Variants in HMCN1 observed in about 807,000 individuals in gnomAD.
The protein encoded by HMCN1 is hemicentin 1.
Under a neutral mutation model 625.9 loss-of-function variants are expected in HMCN1, and 321 were observed. The ratio of observed to expected loss-of-function variants is 0.51; its 90% CI spans 0.47 to 0.56. HMCN1 has a LOEUF of 0.56. HMCN1 is among the 20% of genes least tolerant of loss of function. HMCN1 has a pLI of 0.00. For synonymous variants in HMCN1, 2,425 were observed against 2,417.6 expected (o/e 1.00, Z -0.09); for missense variants, 6,588 against 6,887.3 (o/e 0.96, Z 1.54).
intron 75 of HMCN1, among the ~76,000 whole-genome samples, chr1:186,116,421 A>AATATATATAT (rs3057359): frequency 5.5e-4 from 82 of 149,072 alleles, no homozygotes; most frequent in African/African-American, 1.9e-3. Flanking sequence ...TTCAAAACTA[A>AATATATATAT]ATATATATAT....
intron 35 of HMCN1, among the ~76,000 whole-genome samples, chr1:186,020,480 A>G (rs1450810335): frequency 6.6e-6 from 1 of 152,054 alleles, no homozygotes; most frequent in Non-Finnish European, 1.5e-5. Flanking sequence ...ATAATCTCAC[A>G]TCTTTGTGCA....
At chr1:185,780,219 G>T (rs1159461096) in intron 1 of HMCN1, among the ~76,000 whole-genome samples, 1 of 152,224 alleles carries the variant, frequency 6.6e-6, no homozygotes, top group Non-Finnish European at 1.5e-5. Context: ...CTTTGCTGAA[G>T]TTGCTTATCA....
intron 45 of HMCN1, among the ~76,000 whole-genome samples, chr1:186,056,266 G>A (rs1657312920): frequency 6.6e-6 from 1 of 151,984 alleles, no homozygotes; most frequent in African/African-American, 2.4e-5. Flanking sequence ...GAAGCTCAGT[G>A]TTAATATCTT....
intron 1 of HMCN1, among the ~76,000 whole-genome samples, chr1:185,759,680 A>T (rs1296231361): frequency 6.6e-6 from 1 of 152,114 alleles, no homozygotes; most frequent in African/African-American, 2.4e-5. Context: ...CCTTTATCTT[A>T]CTACCTGGCA....
intron 52 of HMCN1, among the ~76,000 whole-genome samples, chr1:186,073,078 A>G (rs1258245969): frequency 6.6e-6 from 1 of 152,172 alleles, no homozygotes; most frequent in Non-Finnish European, 1.5e-5. Flanking sequence ...AGGAGATCAA[A>G]TATAGGTTCA....
At chr1:186,163,242 T>G (rs58164914) in intron 97 of HMCN1, among the ~76,000 whole-genome samples, 1,857 of 152,326 alleles carry the variant, frequency 0.012, 29 homozygotes, top group African/African-American at 0.043. Flanking sequence ...TGGTGCGCCA[T>G]TTTTTAAGCC....
chr1:185,774,863 G>C (rs1656489799), intron 1 of HMCN1, among the ~76,000 whole-genome samples: 1 of 152,084 alleles, frequency 6.6e-6, no homozygotes. Context: ...ATAATGGTTA[G>C]AATAAATCAT....
chr1:186,053,106 A>G, intron 43 of HMCN1, 32 bp downstream of exon 43: 1 of 1,570,250 alleles, frequency 6.4e-7, no homozygotes. Flanking sequence ...TTATAAAATT[A>G]AAGAAAATAT....
Position 185,876,042 on chromosome 1 carries a change from T to C in HMCN1, c.621+10179T>C, listed in dbSNP as rs115545519. On this transcript the variant is annotated intron_variant, in intron 4 of 106. Transcript: ENST00000271588. ...GAATAGTGAACATATACCCAGTAGG[T>C]AATTTTTCAACCCTCGCCACCACCC... 9.7e-3 allele frequency among the ~76,000 whole-genome samples: 1,478 copies of C among 152,102 alleles called. 13 individuals carry two copies. Among genetic ancestry groups the C allele is most frequent in the Middle Eastern group, 0.02 (6 of 294 alleles).
intron 57 of HMCN1, among the ~76,000 whole-genome samples, chr1:186,083,816 A>C (rs1033115938): frequency 3.9e-5 from 6 of 152,126 alleles, no homozygotes; most frequent in African/African-American, 1.4e-4. Flanking sequence ...AAACACTTTT[A>C]TCTTTTTAAT....
At chr1:185,955,445 G>A (rs1209653258) in intron 11 of HMCN1, among the ~76,000 whole-genome samples, 1 of 152,100 alleles carries the variant, frequency 6.6e-6, no homozygotes, top group Non-Finnish European at 1.5e-5. Flanking sequence ...GAATAAGGTA[G>A]CCATACATCT....
chr1:186,026,344 A>C (rs1655053839), intron 36 of HMCN1, among the ~76,000 whole-genome samples: 1 of 152,200 alleles, frequency 6.6e-6, no homozygotes, highest in Non-Finnish European at 1.5e-5. Flanking sequence ...GAGTATTTGA[A>C]TTTGGATTTG....
chr1:185,768,722 G>T (rs1192283068), intron 1 of HMCN1, among the ~76,000 whole-genome samples: 1 of 152,164 alleles, frequency 6.6e-6, no homozygotes, highest in Admixed American at 6.5e-5. Context: ...AAGGTGGGAG[G>T]ATCACTTGAA....
Position 185,923,642 on chromosome 1 carries a change from G to A in HMCN1, c.1274G>A (p.Ser425Asn), listed in dbSNP as rs1172785092. ...AGAGTATCAAGTGTTTCCTTTTCTA[G>A]TATTGTCCCAGGTGAGACATCATTT... ...FQRVSSVSFSSIVPDAPKVTM... is the reference protein window; with the variant it reads ...FQRVSSVSFSNIVPDAPKVTM... Residue 425 changes from serine (S) to asparagine (N), a missense_variant, in exon 8 of 107, where the codon AGT (serine) becomes AAT (asparagine). Around this residue, in one of 3 missense-constraint regions of HMCN1, gnomAD observed 4,628 missense variants for 4,853.1 expected, o/e 0.95. Transcript: ENST00000271588. 2 of 1,603,190 alleles carry A rather than the reference G, an allele frequency of 1.2e-6. No individual in the cohort carries two copies. The highest frequency in any genetic ancestry group is 2.2e-5 in the East Asian group (1 of 44,736).
intron 1 of HMCN1, among the ~76,000 whole-genome samples, chr1:185,751,502 CT>C (rs1486149224): frequency 6.6e-6 from 1 of 151,964 alleles, no homozygotes; most frequent in East Asian, 1.9e-4. Flanking sequence ...TTTGTCTTTC[CT>C]GCCTGGAACC....
intron 1 of HMCN1, among the ~76,000 whole-genome samples, chr1:185,739,145 T>A (rs1653800068): frequency 6.6e-6 from 1 of 152,230 alleles, no homozygotes; most frequent in African/African-American, 2.4e-5. Flanking sequence ...TGCATTAATA[T>A]GCTTAGGATA....
chr1:186,119,314 T>C lies in HMCN1; in HGVS notation c.11956+16T>C. 2 of 1,595,702 alleles carry C rather than the reference T, an allele frequency of 1.3e-6. No individual in the cohort carries two copies. The highest frequency in any genetic ancestry group is 1.7e-6 in the Non-Finnish European group (2 of 1,163,206). Reference sequence around the variant, plus strand: ...CATGTTCATGGTATGGAAGGCTATTTACTCATTCAAAGTTCGCTGGGTTTG... The same window carrying C: ...CATGTTCATGGTATGGAAGGCTATTCACTCATTCAAAGTTCGCTGGGTTTG... On this transcript the variant is annotated intron_variant, in intron 78 of 106. Transcript: ENST00000271588.
intron 103 of HMCN1, among the ~76,000 whole-genome samples, chr1:186,174,900 T>G (rs1298646804): frequency 6.6e-6 from 1 of 152,206 alleles, no homozygotes; most frequent in Non-Finnish European, 1.5e-5. Context: ...CAAAGTGAGG[T>G]TCTGATATAA....
intron 6 of HMCN1, among the ~76,000 whole-genome samples, chr1:185,917,198 G>T (rs1396433666): frequency 1.3e-5 from 2 of 151,920 alleles, no homozygotes; most frequent in Non-Finnish European, 2.9e-5. Context: ...TTGTTAGAGG[G>T]GAATTTACTA....
Sources: allele counts gnomAD v4.1 joint callset (sites outside exome capture counted in the v4.1 genomes callset), GRCh38; gene constraint gnomAD v4.1.1; regional missense constraint gnomAD v4.1.1; transcripts MANE v1.5; gene names NCBI Gene and HGNC (gene_info 2026-07-23, HGNC 2026-07-21).